NOS1AP: variants seen among roughly 807,000 people sequenced by gnomAD.
NOS1AP encodes the protein carboxyl-terminal PDZ ligand of neuronal nitric oxide synthase protein.
Under a neutral mutation model 56.2 loss-of-function variants are expected in NOS1AP, and 21 were observed. The ratio of observed to expected loss-of-function variants is 0.37; its 90% confidence interval spans 0.26 to 0.54. The LOEUF is 0.54. NOS1AP is among the 20% of genes least tolerant of loss of function. NOS1AP has a pLI of 0.84. For missense variants in NOS1AP, 522 were observed against 657.8 expected (o/e 0.79, Z 2.26); for synonymous variants, 270 against 274.6 (o/e 0.98, Z 0.17).
At chr1:162,364,789 G>A (rs543833980) in intron 8 of NOS1AP, 20 of 986,968 alleles carry the variant, frequency 2.0e-5, no homozygotes, top group South Asian at 9.4e-5. Flanking sequence ...AGAAGCTGTC[G>A]CCTACAGAGT....
intron 4 of NOS1AP, chr1:162,317,221 C>G (rs1656258726): frequency 6.6e-6 from 1 of 152,194 alleles, no homozygotes. Context: ...GGAGATGGAC[C>G]TGATTGCTGG....
chr1:162,145,742 A>G (rs1649435357), intron 1 of NOS1AP, among the ~76,000 whole-genome samples: 1 of 152,148 alleles, frequency 6.6e-6, no homozygotes, highest in South Asian at 2.1e-4. Context: ...CAGATGGGCA[A>G]TCTCAGCTGG....
intron 1 of NOS1AP, among the ~76,000 whole-genome samples, chr1:162,096,648 A>G (rs1460835209): frequency 6.6e-6 from 1 of 152,144 alleles, no homozygotes; most frequent in Non-Finnish European, 1.5e-5. Flanking sequence ...ATCCAATAAC[A>G]TTATACAGTG....
chr1:162,116,380 T>C (rs1647953202), intron 1 of NOS1AP, among the ~76,000 whole-genome samples: 5 of 152,194 alleles, frequency 3.3e-5, no homozygotes, highest in Admixed American at 3.3e-4. Context: ...ATGTAGAGTC[T>C]TGCATGCTCC....
intron 8 of NOS1AP, chr1:162,363,240 C>T (rs1657959569): frequency 6.6e-6 from 1 of 152,638 alleles, no homozygotes; most frequent in Non-Finnish European, 1.5e-5. Context: ...TTGGACTCAA[C>T]TGATTTGCTA....
At chr1:162,224,157 T>G (rs2101660881) in intron 2 of NOS1AP, among the ~76,000 whole-genome samples, 1 of 152,104 alleles carries the variant, frequency 6.6e-6, no homozygotes, top group East Asian at 1.9e-4. Flanking sequence ...CTCAGAGTGT[T>G]TTGGGGACAG....
chr1:162,292,496 A>T (rs1287145743), intron 3 of NOS1AP, among the ~76,000 whole-genome samples: 1 of 152,220 alleles, frequency 6.6e-6, no homozygotes, highest in South Asian at 2.1e-4. Flanking sequence ...GGTAGATACC[A>T]TTCTTATGAT....
chr1:162,290,076 G>C (rs978531335), intron 3 of NOS1AP, among the ~76,000 whole-genome samples: 2 of 152,204 alleles, frequency 1.3e-5, no homozygotes, highest in Non-Finnish European at 2.9e-5. Context: ...CCAGGCTGGA[G>C]TAGCATCTCC....
In NOS1AP at chr1:162,324,976, G is replaced by T. The variant is rs186007810; in HGVS notation, c.345-8041G>T. On this transcript the variant is annotated intron_variant, in intron 4 of 9. Transcript: ENST00000361897. ...CTTGACAGTGTGGCCCCACACTTCAGGTGTCTGTGGAAGTCAGGCTGTGAA... is the reference window on the plus strand; with the variant it reads ...CTTGACAGTGTGGCCCCACACTTCATGTGTCTGTGGAAGTCAGGCTGTGAA... Among the ~76,000 whole-genome samples the T allele has an allele frequency of 2.0e-3, 309 of 152,300 alleles. 3 individuals carry two copies. Among genetic ancestry groups the T allele is most frequent in the African/African-American group, 7.0e-3 (290 of 41,572 alleles).
intron 2 of NOS1AP, among the ~76,000 whole-genome samples, chr1:162,159,879 G>T (rs1008714436): frequency 6.6e-6 from 1 of 152,164 alleles, no homozygotes; most frequent in Non-Finnish European, 1.5e-5. Context: ...GGTGTGGAGA[G>T]AGCTGGGCTG....
At chr1:162,189,512 TATTC>T (rs1651550201) in intron 2 of NOS1AP, among the ~76,000 whole-genome samples, 1 of 152,206 alleles carries the variant, frequency 6.6e-6, no homozygotes, top group South Asian at 2.1e-4. Context: ...TTTCAACAAA[TATTC>T]ATTTAATAGA....
At chr1:162,303,299 G>C (rs1406993404) in intron 4 of NOS1AP, among the ~76,000 whole-genome samples, 1 of 152,240 alleles carries the variant, frequency 6.6e-6, no homozygotes, top group Non-Finnish European at 1.5e-5. Context: ...GATACCACCA[G>C]TGGTGTACAA....
chr1:162,336,890 A>C (rs1301313162), intron 5 of NOS1AP, among the ~76,000 whole-genome samples: 2 of 152,174 alleles, frequency 1.3e-5, no homozygotes, highest in African/African-American at 4.8e-5. Flanking sequence ...GAGGGACCCT[A>C]GCACTCTTCA....
At chr1:162,087,237 T>A (rs1692024369) in intron 1 of NOS1AP, among the ~76,000 whole-genome samples, 1 of 152,216 alleles carries the variant, frequency 6.6e-6, no homozygotes, top group African/African-American at 2.4e-5. Context: ...TAGTGAGTCT[T>A]TATTTCCTCT....
At chr1:162,142,955 T>C (rs1041739684) in intron 1 of NOS1AP, among the ~76,000 whole-genome samples, 18 of 152,336 alleles carry the variant, frequency 1.2e-4, no homozygotes, top group African/African-American at 3.6e-4. Flanking sequence ...GAAATTTTAC[T>C]CATTTGTGGG....
At chr1:162,142,945 G>A (rs1649300481) in intron 1 of NOS1AP, among the ~76,000 whole-genome samples, 1 of 152,156 alleles carries the variant, frequency 6.6e-6, no homozygotes, top group African/African-American at 2.4e-5. Flanking sequence ...CAGTTATCTG[G>A]AAATTTTACT....
At chr1:162,128,722 A>G (rs1481691730) in intron 1 of NOS1AP, among the ~76,000 whole-genome samples, 2 of 152,078 alleles carry the variant, frequency 1.3e-5, no homozygotes, top group African/African-American at 4.8e-5. Flanking sequence ...GCTATTTGCA[A>G]GGTAATTTGT....
At chr1:162,171,124 C>T (rs1426453751) in intron 2 of NOS1AP, among the ~76,000 whole-genome samples, 1 of 152,084 alleles carries the variant, frequency 6.6e-6, no homozygotes, top group Admixed American at 6.5e-5. Flanking sequence ...GATCCCAGCA[C>T]ACTCAGCATT....
At chr1:162,312,329 G>C (rs1308609520) in intron 4 of NOS1AP, among the ~76,000 whole-genome samples, 1 of 144,746 alleles carries the variant, frequency 6.9e-6, no homozygotes, top group Non-Finnish European at 1.5e-5. Context: ...TTCTCTGATA[G>C]CCAGTGATGA....
Sources: gnomAD v4.1 joint callset for allele counts (sites outside exome capture counted in the v4.1 genomes callset) on GRCh38, gnomAD v4.1.1 for gene constraint, MANE v1.5 for transcripts, NCBI Gene and HGNC (gene_info 2026-07-23, HGNC 2026-07-21) for gene names.